The following FZD5 variants were observed in gnomAD, a reference collection of about 807,000 sequenced individuals.
The protein encoded by FZD5 is frizzled class receptor 5, also known as frizzled-5.
Under a neutral mutation model 40.8 loss-of-function variants are expected in FZD5, and 12 were observed. That is an observed-to-expected ratio of 0.29 (90% CI 0.19 to 0.48). The LOEUF (loss-of-function observed/expected upper bound fraction) is 0.48. FZD5 is among the 20% of genes least tolerant of loss of function. The pLI is 0.99. For missense variants in FZD5, 622 were observed against 832.8 expected, an observed-to-expected ratio of 0.75 and a Z score of 3.12; for synonymous variants, 380 against 383.7, an observed-to-expected ratio of 0.99 and a Z score of 0.11.
In FZD5 at chr2:207,767,561, GC is replaced by G; in HGVS notation, c.1178del (p.Gly393AlafsTer5). On this transcript the variant is annotated frameshift_variant, in exon 2 of 2. Transcript: ENST00000295417. LOFTEE classifies it high-confidence loss of function. Reference protein sequence around the residue: ...GDPVAGICYVGNQNLNSLRGF... With the variant: ...GDPVAGICYVXNQNLNSLRGF... Reference sequence around the variant, plus strand: ...CGCGCAGCGAGTTCAGGTTCTGGTTGCCCACGTAGCAGATGCCGGCCACTGG... The same window carrying G: ...CGCGCAGCGAGTTCAGGTTCTGGTTGCCACGTAGCAGATGCCGGCCACTGG... The G allele has an allele frequency of 6.2e-7, 1 of 1,611,200 alleles. No homozygotes were observed.
chr2:207,763,533 T>C lies in FZD5; in HGVS notation c.*3449A>G, dbSNP rs2091965169. 6.6e-6 allele frequency: 1 copy of C among 152,666 alleles called. No homozygotes were observed. Among genetic ancestry groups the C allele is most frequent in the Non-Finnish European group, 1.5e-5 (1 of 68,048 alleles). 9.5% of individuals were successfully genotyped at this position (152,666 alleles called of 1,614,324 possible). Reference sequence around the variant, plus strand: ...TTAGCCACTGTCCCTCACACCTGCCTATACGTGTGATGTGCTCTGTCCTGT... The same window carrying C: ...TTAGCCACTGTCCCTCACACCTGCCCATACGTGTGATGTGCTCTGTCCTGT... On this transcript the variant is annotated 3_prime_UTR_variant, in exon 2 of 2. Coordinates refer to ENST00000295417, the MANE Select transcript of FZD5 (RefSeq NM_003468.4).
In FZD5 at chr2:207,768,702, A is replaced by AACAGCG; in HGVS notation, c.32_37dup (p.Ser11_Leu12dup). ...CACCAGCTGCGCTAGGAGCAGCAGC[A>AACAGCG]ACAGCGAGGGCGGCGCGGATGGGTC... On this transcript the variant is annotated inframe_insertion, in exon 2 of 2. Transcript: ENST00000295417. The AACAGCG allele has an allele frequency of 6.2e-7, 1 of 1,600,282 alleles. No individual in the cohort carries two copies. The highest frequency in any genetic ancestry group is 1.1e-5 in the South Asian group (1 of 89,706).
Position 207,766,914 on chromosome 2 carries a change from G to T in FZD5, c.*68C>A. 7.9e-7 allele frequency: 1 copy of T among 1,272,692 alleles called. No individual in the cohort carries two copies. The allele number at this position is 1,272,692 out of a possible 1,614,324, so 78.8% of individuals were successfully genotyped here. Reference sequence around the variant, plus strand: ...CATGAAGGTAAACGGAAGTGACCTTGGCAAAACTACCAAACAAAACGCCCC... The same window carrying T: ...CATGAAGGTAAACGGAAGTGACCTTTGCAAAACTACCAAACAAAACGCCCC... On this transcript the variant is annotated 3_prime_UTR_variant, in exon 2 of 2. Transcript: ENST00000295417.
chr2:207,767,922 A>G lies in FZD5; in HGVS notation c.818T>C (p.Phe273Ser). ...RFRYPERPII[F>S]LSACYLCVSL... ...CACGCACAGGTAGCAGGCTGACAGG[A>G]AGATGATGGGGCGCTCAGGATAGCG... is the stretch of plus-strand genomic sequence containing the variant. Residue 273 changes from phenylalanine to serine, a missense_variant, in exon 2 of 2, where the codon TTC (phenylalanine) becomes TCC (serine). By Grantham distance (155) the Phe-to-Ser change is radical. Around this residue, in one of 4 missense-constraint regions of FZD5, gnomAD observed 208 missense variants for 348.9 expected, o/e 0.60. Coordinates refer to ENST00000295417, the MANE Select transcript of FZD5 (RefSeq NM_003468.4). 1.3e-6 allele frequency: 2 copies of G among 1,599,058 alleles called. No homozygotes were observed. The highest frequency in any genetic ancestry group is 1.7e-6 in the Non-Finnish European group (2 of 1,172,680).
rs779294229 is a variant in FZD5 at position 207,768,673 on chromosome 2, G to A, written c.67C>T (p.Arg23Trp). Residue 23 changes from arginine to tryptophan, a missense_variant, in exon 2 of 2, where the codon CGG (arginine) becomes TGG (tryptophan). Physicochemically the swap from Arg to Trp is moderately radical, Grantham distance 101 (BLOSUM62 -3). Coordinates refer to ENST00000295417, the MANE Select transcript of FZD5 (RefSeq NM_003468.4). ...LLLLLAQLVGRAAAASKAPVC... is the reference protein window; with the variant it reads ...LLLLLAQLVGWAAAASKAPVC... ...GGGGCCTTGGACGCGGCGGCCGCCC[G>A]GCCCACCAGCTGCGCTAGGAGCAGC... 18 of 1,608,654 alleles carry A rather than the reference G, an allele frequency of 1.1e-5. No individual in the cohort carries two copies. The East Asian group carries it at 2.7e-4, about 24-fold the overall frequency.
Position 207,768,788 on chromosome 2 carries a change from G to A in FZD5, c.-49C>T. The A allele has an allele frequency of 5.0e-6, 7 of 1,400,658 alleles. No homozygotes were observed. The highest frequency in any genetic ancestry group is 6.7e-6 in the Non-Finnish European group (7 of 1,045,824). The allele number at this position is 1,400,658 out of a possible 1,614,324, so 86.8% of individuals were successfully genotyped here. On this transcript the variant is annotated 5_prime_UTR_variant, in exon 2 of 2. Transcript: ENST00000295417. Reference sequence around the variant, plus strand: ...CAGCAGCCCGCGAGGGACGCACACAGGCAGAGGAATCCGGGCCGGGGCTTC... The same window carrying A: ...CAGCAGCCCGCGAGGGACGCACACAAGCAGAGGAATCCGGGCCGGGGCTTC...
In FZD5 at chr2:207,768,200, G is replaced by GC; in HGVS notation, c.539dup (p.Glu181ArgfsTer88). 2 of 1,586,062 alleles carry GC rather than the reference G, an allele frequency of 1.3e-6. No individual in the cohort carries two copies. On this transcript the variant is annotated frameshift_variant, in exon 2 of 2. Transcript: ENST00000295417. LOFTEE classifies it high-confidence loss of function. ...CGAACGGGCCCCCAGCGGGGCATTC[G>GC]CCCCCCGAGGCCGGCGCCCCTGGCG... is the stretch of plus-strand genomic sequence containing the variant.
At position 207,767,854 on chromosome 2, in the gene FZD5, C is replaced by G; in HGVS notation, c.886G>C (p.Val296Leu). Reference protein sequence around the residue: ...LVRLVVGHASVACSREHNHIH... With the variant: ...LVRLVVGHASLACSREHNHIH... Reference sequence around the variant, plus strand: ...TGGTTGTGCTCGCGGCTGCAGGCCACGCTGGCATGGCCCACGACCAGACGC... The same window carrying G: ...TGGTTGTGCTCGCGGCTGCAGGCCAGGCTGGCATGGCCCACGACCAGACGC... Residue 296 changes from valine (V) to leucine (L), a missense_variant, in exon 2 of 2, where the codon GTG becomes CTG. Val to Leu is a conservative substitution (Grantham distance 32). Around this residue, in one of 4 missense-constraint regions of FZD5, gnomAD observed 208 missense variants for 348.9 expected, o/e 0.60. Coordinates refer to ENST00000295417, the MANE Select transcript of FZD5 (RefSeq NM_003468.4). 1 of 1,599,588 alleles carries G rather than the reference C, an allele frequency of 6.3e-7. No individual in the cohort carries two copies. The highest frequency in any genetic ancestry group is 8.5e-7 in the Non-Finnish European group (1 of 1,173,338).
At position 207,767,170 on chromosome 2, in the gene FZD5, C is replaced by A; in HGVS notation, c.1570G>T (p.Gly524Cys). 6.3e-7 allele frequency: 1 copy of A among 1,590,614 alleles called. No individual in the cohort carries two copies. Among genetic ancestry groups the A allele is most frequent in the South Asian group, 1.1e-5 (1 of 88,158 alleles). The stretch of plus-strand genomic sequence containing the variant: ...CGCCGCCACGACTCCACCGTCTTGC[C>A]CGACCAGATCCAGACGCCCGACGTG... ...GITSGVWIWS[G>C]KTVESWRRFT... Residue 524 changes from glycine to cysteine, a missense_variant, in exon 2 of 2, where the codon GGC becomes TGC. Gly to Cys is a radical substitution (Grantham distance 159, BLOSUM62 -3). Coordinates refer to ENST00000295417, the MANE Select transcript of FZD5 (RefSeq NM_003468.4).
chr2:207,767,389 C>T lies in FZD5; in HGVS notation c.1351G>A (p.Gly451Ser). The change falls in exon 2 of 2, where the codon GGC (glycine) becomes AGC (serine). Residue 451 changes from glycine (G) to serine (S), a missense_variant. Transcript: ENST00000295417. ...DKLEKLMIRI[G>S]IFTLLYTVPA... is the part of the protein sequence containing the mutation. ...ACCGTGTAGAGCAGCGTGAAGATGC[C>T]GATGCGGATCATGAGCTTCTCCAGC... is the stretch of plus-strand genomic sequence containing the variant. The T allele has an allele frequency of 6.2e-7, 1 of 1,612,682 alleles. No homozygotes were observed. Among genetic ancestry groups the T allele is most frequent in the Non-Finnish European group, 8.5e-7 (1 of 1,179,928 alleles).
In FZD5 at chr2:207,764,229, C is replaced by T. The variant is rs1439247154; in HGVS notation, c.*2753G>A. On this transcript the variant is annotated 3_prime_UTR_variant, in exon 2 of 2. Coordinates refer to ENST00000295417, the MANE Select transcript of FZD5 (RefSeq NM_003468.4). The stretch of plus-strand genomic sequence containing the variant: ...TAAGAGACTCCAATGGGCCCTAAGT[C>T]CTCCCCAGCTCCACAAAGCTGGCTG... 1 of 152,274 alleles carries T rather than the reference C, an allele frequency of 6.6e-6. No homozygotes were observed. The highest frequency in any genetic ancestry group is 1.9e-4 in the East Asian group (1 of 5,200). 9.4% of individuals were successfully genotyped at this position (152,274 alleles called of 1,614,324 possible). A position where few individuals can be genotyped will look rare whatever the true frequency, so the allele number is the denominator to read the frequency against.
At position 207,765,925 on chromosome 2, in the gene FZD5, G is replaced by A. The variant is rs2105850436; in HGVS notation, c.*1057C>T. ...GAGGGGGGAGGGGGGAGGGGGTGGA[G>A]CAAATAAGTGTTGGAAATTTACTTA... is the stretch of plus-strand genomic sequence containing the variant. On this transcript the variant is annotated 3_prime_UTR_variant, in exon 2 of 2. Transcript: ENST00000295417. 6.6e-6 allele frequency: 1 copy of A among 151,862 alleles called. No homozygotes were observed. The highest frequency in any genetic ancestry group is 3.4e-3 in the Middle Eastern group (1 of 294). 9.4% of individuals were successfully genotyped at this position (151,862 alleles called of 1,614,324 possible).
rs1241983844 is a variant in FZD5 at position 207,766,233 on chromosome 2, T to C, written c.*749A>G. The C allele has an allele frequency of 6.6e-6, 1 of 152,194 alleles. No individual in the cohort carries two copies. The highest frequency in any genetic ancestry group is 2.4e-5 in the African/African-American group (1 of 41,430). 9.4% of individuals were successfully genotyped at this position (152,194 alleles called of 1,614,324 possible). ...GCAAATATTTATGCCAGATCCTCTA[T>C]AATGCTACCTCTAACTTATTCAAGA... is the stretch of plus-strand genomic sequence containing the variant. On this transcript the variant is annotated 3_prime_UTR_variant, in exon 2 of 2. Coordinates refer to ENST00000295417, the MANE Select transcript of FZD5 (RefSeq NM_003468.4).
At position 207,767,400 on chromosome 2, in the gene FZD5, A is replaced by T. The variant is rs1483244143; in HGVS notation, c.1340T>A (p.Met447Lys). The change falls in exon 2 of 2, where the codon ATG (methionine) becomes AAG (lysine). Residue 447 changes from methionine (M) to lysine (K), a missense_variant. Met to Lys is a moderately conservative substitution (Grantham distance 95). Around this residue, in one of 4 missense-constraint regions of FZD5, gnomAD observed 208 missense variants for 348.9 expected, o/e 0.60. Coordinates refer to ENST00000295417, the MANE Select transcript of FZD5 (RefSeq NM_003468.4). ...CAGCGTGAAGATGCCGATGCGGATCATGAGCTTCTCCAGCTTGTCCGTCTT... is the reference window on the plus strand; with the variant it reads ...CAGCGTGAAGATGCCGATGCGGATCTTGAGCTTCTCCAGCTTGTCCGTCTT... The part of the protein sequence containing the change: ...GTKTDKLEKL[M>K]IRIGIFTLLY... 6.2e-7 allele frequency: 1 copy of T among 1,612,724 alleles called. No homozygotes were observed. The highest frequency in any genetic ancestry group is 8.5e-7 in the Non-Finnish European group (1 of 1,179,958).
rs901743327 is a variant in FZD5 at position 207,766,811 on chromosome 2, G to A, written c.*171C>T. On this transcript the variant is annotated 3_prime_UTR_variant, in exon 2 of 2. Transcript: ENST00000295417. ...ATACACGTGAGCTGGGCCCCTTGGA[G>A]AAGACCTGGGACAGGTTCTTCCTCG... 5 of 503,884 alleles carry A rather than the reference G, an allele frequency of 9.9e-6. No homozygotes were observed. The highest frequency in any genetic ancestry group is 7.9e-5 in the African/African-American group (4 of 50,630). 31.2% of individuals were successfully genotyped at this position (503,884 alleles called of 1,614,324 possible). A position where few individuals can be genotyped will look rare whatever the true frequency, so the allele number is the denominator to read the frequency against.
chr2:207,766,676 A>G lies in FZD5; in HGVS notation c.*306T>C. 3.9e-6 allele frequency: 1 copy of G among 259,366 alleles called. No homozygotes were observed. The allele number at this position is 259,366 out of a possible 1,614,324, so 16.1% of individuals were successfully genotyped here. A position where few individuals can be genotyped will look rare whatever the true frequency, so the allele number is the denominator to read the frequency against. On this transcript the variant is annotated 3_prime_UTR_variant, in exon 2 of 2. Coordinates refer to ENST00000295417, the MANE Select transcript of FZD5 (RefSeq NM_003468.4). Reference sequence around the variant, plus strand: ...CAACCTTAGGATTGTAAAGCCCCCAAAGCAAAGGTAAATTGTTGCCAAAAT... The same window carrying G: ...CAACCTTAGGATTGTAAAGCCCCCAGAGCAAAGGTAAATTGTTGCCAAAAT...
At position 207,768,183 on chromosome 2, in the gene FZD5, C is replaced by A; in HGVS notation, c.557G>T (p.Gly186Val). 1.2e-6 allele frequency: 2 copies of A among 1,601,494 alleles called. No individual in the cohort carries two copies. The highest frequency in any genetic ancestry group is 1.7e-6 in the Non-Finnish European group (2 of 1,178,020). ...PASGGECPAG[G>V]PFVCKCREPF... Reference sequence around the variant, plus strand: ...CTCGCGACACTTGCACACGAACGGGCCCCCAGCGGGGCATTCGCCCCCCGA... The same window carrying A: ...CTCGCGACACTTGCACACGAACGGGACCCCAGCGGGGCATTCGCCCCCCGA... The change falls in exon 2 of 2, where the codon GGC becomes GTC. Residue 186 changes from glycine to valine, a missense_variant. Transcript: ENST00000295417.
Position 207,763,174 on chromosome 2 carries a change from T to C in FZD5, c.*3808A>G, listed in dbSNP as rs940107889. On this transcript the variant is annotated 3_prime_UTR_variant, in exon 2 of 2. Transcript: ENST00000295417. ...GTATCAAAAGTCACCAAATCTCTCA[T>C]ATATATATATAATATATATTATGTA... 9.2e-5 allele frequency: 14 copies of C among 151,710 alleles called. No individual in the cohort carries two copies. Among genetic ancestry groups the C allele is most frequent in the Admixed American group, 8.6e-4 (13 of 15,144 alleles). 9.4% of individuals were successfully genotyped at this position (151,710 alleles called of 1,614,324 possible).
chr2:207,768,962 G>A lies in FZD5; in HGVS notation c.-223C>T. On this transcript the variant is annotated 5_prime_UTR_variant, in exon 2 of 2. Transcript: ENST00000295417. ...TCCTCGCCGGATAGGGCTGGGGAGA[G>A]ACGGTTAGGGCTCGGATTCCAGGGA... is the stretch of plus-strand genomic sequence containing the variant. 1.7e-6 allele frequency: 1 copy of A among 573,160 alleles called. No homozygotes were observed. Among genetic ancestry groups the A allele is most frequent in the Non-Finnish European group, 3.1e-6 (1 of 317,660 alleles). The allele number at this position is 573,160 out of a possible 1,614,324, so 35.5% of individuals were successfully genotyped here. A position where few individuals can be genotyped will look rare whatever the true frequency, so the allele number is the denominator to read the frequency against.
Sources: gnomAD v4.1 joint callset for allele counts on GRCh38, gnomAD v4.1.1 for gene constraint, gnomAD v4.1.1 regional missense constraint, MANE v1.5 for transcripts, NCBI Gene and HGNC (gene_info 2026-07-23, HGNC 2026-07-21) for gene names.